ADGRG3: variants seen among roughly 807,000 people sequenced by gnomAD.
The protein encoded by ADGRG3 is G protein-coupled receptor 97.
Under a neutral mutation model 54.3 loss-of-function variants are expected in ADGRG3, and 39 were observed. The observed-to-expected ratio is 0.72, with a 90% CI of 0.56 to 0.94. The LOEUF (loss-of-function observed/expected upper bound fraction) is 0.94. ADGRG3 is among the 40% of genes least tolerant of loss of function. ADGRG3 has a pLI of 0.00. For synonymous variants in ADGRG3, 312 were observed against 290.0 expected, an observed-to-expected ratio of 1.08 and a Z score of -0.77; for missense variants, 654 against 694.6, an observed-to-expected ratio of 0.94 and a Z score of 0.66.
At chr16:57,682,606 G>T (rs2048394526) in intron 8 of ADGRG3, 2 of 985,354 alleles carry the variant, frequency 2.0e-6, no homozygotes, top group Admixed American at 6.1e-5. Flanking sequence ...AGCTCCCCAG[G>T]GTGGGGCCTG....
rs369997424 is a variant in ADGRG3 at position 57,670,062 on chromosome 16, G to A, written c.58+1657G>A. On this transcript the variant is annotated intron_variant, in intron 1 of 11. Transcript: ENST00000333493. ...AGGGAAATGGCGGTGGTTTGCTCAC[G>A]GTGAGCCAGCAGGGGCTGAAGGAGC... Among the ~76,000 whole-genome samples the A allele has an allele frequency of 1.8e-3, 275 of 152,306 alleles. 1 individual carries two copies. Among genetic ancestry groups the A allele is most frequent in the African/African-American group, 6.4e-3 (264 of 41,574 alleles).
chr16:57,678,603 G>A (rs541602083), intron 4 of ADGRG3: 20 of 487,818 alleles, frequency 4.1e-5, no homozygotes, highest in African/African-American at 5.8e-5. Flanking sequence ...GTGTGTCCTC[G>A]TGCATGCACA....
chr16:57,680,843 G>A (rs76201324), intron 8 of ADGRG3, among the ~76,000 whole-genome samples: 25,788 of 152,142 alleles, frequency 0.17, 2,458 homozygotes, highest in Non-Finnish European at 0.22. Flanking sequence ...GGAATGTGTG[G>A]TTCACGTAAC....
intron 2 of ADGRG3, among the ~76,000 whole-genome samples, chr16:57,675,012 A>AAGC (rs1555569015): frequency 0.033 from 3,753 of 115,132 alleles, 356 homozygotes; most frequent in Middle Eastern, 0.091. Flanking sequence ...AAAAAAAAAA[A>AAGC]AGCAGCAGCA....
intron 11 of ADGRG3, 29 bp from the exon 12 acceptor site, chr16:57,688,323 G>C: frequency 6.9e-7 from 1 of 1,441,676 alleles, no homozygotes; most frequent in Non-Finnish European, 9.8e-7. Flanking sequence ...CCCCTTTCCA[G>C]GCTCACCGAG....
At chr16:57,683,155 C>T (rs1277438361) in intron 8 of ADGRG3, among the ~76,000 whole-genome samples, 1 of 152,202 alleles carries the variant, frequency 6.6e-6, no homozygotes, top group Non-Finnish European at 1.5e-5. Flanking sequence ...GTGGGAAGAG[C>T]TGACCTCTGC....
intron 2 of ADGRG3, 117 bp from the exon 3 acceptor site, chr16:57,676,083 C>G (rs2048257429): frequency 1.1e-6 from 1 of 934,674 alleles, no homozygotes; most frequent in Admixed American, 2.4e-5. Context: ...TCCTCCTGTC[C>G]TGATCCCAGG....
At position 57,685,791 on chromosome 16, in the gene ADGRG3, C is replaced by A; in HGVS notation, c.1405C>A (p.Arg469=). The A allele has an allele frequency of 1.2e-6, 2 of 1,614,166 alleles. No homozygotes were observed. Among genetic ancestry groups the A allele is most frequent in the Non-Finnish European group, 1.7e-6 (2 of 1,180,038 alleles). The change falls in exon 11 of 12, where the codon CGG becomes AGG. Residue 469 remains arginine (R), a synonymous_variant. Transcript: ENST00000333493. The part of the protein sequence containing the change: ...TLSRATAVKE[R]GKNRKKVLTL... ...GTCCCGTGCTACAGCGGTCAAGGAG[C>A]GGGGGAAGAACCGGAAGAAGGTGCT...
intron 11 of ADGRG3, among the ~76,000 whole-genome samples, chr16:57,687,171 C>A (rs1247801776): frequency 6.6e-6 from 1 of 152,188 alleles, no homozygotes; most frequent in Admixed American, 6.5e-5. Context: ...CTAGCCCCAT[C>A]CCTGACCCAG....
At chr16:57,666,453 C>T (rs2048060614), upstream of ADGRG3, among the ~76,000 whole-genome samples, 1 of 152,194 alleles carries the variant, frequency 6.6e-6, no homozygotes, top group Non-Finnish European at 1.5e-5. Flanking sequence ...TGGGATCGCC[C>T]TTTCTGCCAG....
intron 11 of ADGRG3, among the ~76,000 whole-genome samples, chr16:57,687,329 C>T (rs560875329): frequency 6.6e-6 from 1 of 152,082 alleles, no homozygotes; most frequent in South Asian, 2.1e-4. Flanking sequence ...CAGCTCACTG[C>T]GACCTCCACC....
rs767207922 is a variant in ADGRG3, at chr16:57,680,304, A to T, written c.707A>T (p.Glu236Val). The change falls in exon 7 of 12, where the codon GAG (glutamate) becomes GTG (valine). Residue 236 changes from glutamate to valine, a missense_variant. Transcript: ENST00000333493. ...TGGTCTTCTGAGGGCTGCTCCACGGAGGTCAGACCTGAGGGGACCGTGTGC... is the reference window on the plus strand; with the variant it reads ...TGGTCTTCTGAGGGCTGCTCCACGGTGGTCAGACCTGAGGGGACCGTGTGC... ...GDWSSEGCSTEVRPEGTVCCC... is the reference protein window; with the variant it reads ...GDWSSEGCSTVVRPEGTVCCC... 8.1e-6 allele frequency: 13 copies of T among 1,608,814 alleles called. No individual in the cohort carries two copies. The highest frequency in any genetic ancestry group is 1.4e-5 in the African/African-American group (1 of 72,608).
intron 10 of ADGRG3, 56 bp downstream of exon 10, chr16:57,684,539 G>C (rs2048438710): frequency 7.7e-7 from 1 of 1,304,564 alleles, no homozygotes; most frequent in East Asian, 2.3e-5. Context: ...ACACATATTG[G>C]GGCTGGAGAG....
At chr16:57,681,430 A>G (rs1332568278) in intron 8 of ADGRG3, among the ~76,000 whole-genome samples, 10 of 152,114 alleles carry the variant, frequency 6.6e-5, no homozygotes, top group Non-Finnish European at 1.5e-5. Flanking sequence ...CCAAAATGAA[A>G]ATAAAGAAGG....
In ADGRG3 at chr16:57,680,669, C is replaced by G. The variant is rs564732662; in HGVS notation, c.881+52C>G. 8.8e-6 allele frequency: 11 copies of G among 1,255,116 alleles called. No homozygotes were observed. In the South Asian group the frequency reaches 9.7e-5, roughly 11 times the overall value. 77.7% of individuals were successfully genotyped at this position (1,255,116 alleles called of 1,614,324 possible). ...GTCTCCCTCCCGCCCTCAAGGGAGG[C>G]AGCAGGGCAGGGTGGGAAGCATTCA... On this transcript the variant is annotated intron_variant, in intron 8 of 11. Coordinates refer to ENST00000333493, the MANE Select transcript of ADGRG3 (RefSeq NM_170776.5).
intron 11 of ADGRG3, among the ~76,000 whole-genome samples, chr16:57,687,541 T>C (rs962566408): frequency 5.9e-5 from 9 of 152,202 alleles, no homozygotes; most frequent in African/African-American, 2.2e-4. Context: ...CGTGAGCCAC[T>C]GTGCCTGGCC....
intron 1 of ADGRG3, among the ~76,000 whole-genome samples, chr16:57,668,767 C>T (rs980553491): frequency 6.6e-6 from 1 of 152,176 alleles, no homozygotes; most frequent in Non-Finnish European, 1.5e-5. Flanking sequence ...CTCCAGCTGG[C>T]TTGTGAGATC....
Position 57,680,261 on chromosome 16 carries a change from C to G in ADGRG3, c.668-4C>G, listed in dbSNP as rs112471883. ...TCCCTCTGTTCCCCTGGCCTCCTCTCCAGGGACCACTGGAGACTGGTCTTC... is the reference window on the plus strand; with the variant it reads ...TCCCTCTGTTCCCCTGGCCTCCTCTGCAGGGACCACTGGAGACTGGTCTTC... On this transcript the variant is annotated splice_polypyrimidine_tract_variant and splice_region_variant and intron_variant, in intron 6 of 11. Coordinates refer to ENST00000333493, the MANE Select transcript of ADGRG3 (RefSeq NM_170776.5). 2.3e-4 allele frequency: 357 copies of G among 1,566,360 alleles called. 1 individual carries two copies. The African/African-American group carries it at 4.3e-3, about 19-fold the overall frequency.
rs2048433716 is a variant in ADGRG3, at chr16:57,684,381, T to C, written c.1163-9T>C. ...CCAGTGGTGTCATGCCATTTCCCCTTGTGCCCAGGCCTGCCCGCCCTGATG... is the reference window on the plus strand; with the variant it reads ...CCAGTGGTGTCATGCCATTTCCCCTCGTGCCCAGGCCTGCCCGCCCTGATG... On this transcript the variant is annotated splice_polypyrimidine_tract_variant and intron_variant, in intron 9 of 11. Transcript: ENST00000333493. 6.2e-7 allele frequency: 1 copy of C among 1,611,872 alleles called. No individual in the cohort carries two copies. The highest frequency in any genetic ancestry group is 8.5e-7 in the Non-Finnish European group (1 of 1,178,300).
Sources: allele counts gnomAD v4.1 joint callset (sites outside exome capture counted in the v4.1 genomes callset), GRCh38; gene constraint gnomAD v4.1.1; transcripts MANE v1.5; gene names NCBI Gene and HGNC (gene_info 2026-07-23, HGNC 2026-07-21).